PAK3: variants seen among roughly 807,000 people sequenced by gnomAD.
The protein encoded by PAK3 is serine/threonine-protein kinase PAK 3.
In PAK3, 4 loss-of-function variants were observed where a neutral mutation model predicts 41.0. That is an observed-to-expected ratio of 0.10 (90% CI 0.05 to 0.22). The LOEUF (loss-of-function observed/expected upper bound fraction) is 0.22, where lower values mean the gene tolerates loss of function less well. Among genes scored for constraint, PAK3 ranks in the 10% least tolerant of loss-of-function variants. The pLI, the probability that PAK3 is intolerant of heterozygous loss-of-function variation, is 1.00. For missense variants in PAK3, 205 were observed against 409.9 expected, an observed-to-expected ratio of 0.50 and a Z score of 4.32; for synonymous variants, 146 against 139.6, an observed-to-expected ratio of 1.05 and a Z score of -0.32.
chrX:111,163,417 T>C, intron 9 of PAK3, 145 bp from the exon 10 acceptor site: 1 of 513,881 alleles, frequency 1.9e-6, no homozygotes, highest in Middle Eastern at 5.8e-4. Context: ...CTTTCAACAG[T>C]GTTGTACTTT....
intron 1 of PAK3, among the ~76,000 whole-genome samples, chrX:111,057,722 A>G (rs1273049040): frequency 9.0e-6 from 1 of 110,720 alleles, no homozygotes; most frequent in Non-Finnish European, 1.9e-5. Context: ...TTAAAATAGA[A>G]CAATTCAGTG....
At chrX:110,983,743 A>G (rs2091489869) in intron 1 of PAK3, among the ~76,000 whole-genome samples, 1 of 111,597 alleles carries the variant, frequency 9.0e-6, no homozygotes, top group Admixed American at 9.4e-5. Flanking sequence ...ACAGAGACTG[A>G]TGATCTGCCA....
rs1173128234 is a variant in PAK3 at position 111,223,850 on chromosome X, AC to A, written c.*3404del. On this transcript the variant is annotated 3_prime_UTR_variant, in exon 18 of 18. Coordinates refer to ENST00000372007, the MANE Select transcript of PAK3 (RefSeq NM_002578.5). Reference sequence around the variant, plus strand: ...TTAAATAACATAAACAGGGATTACAACTATGTAAAAAGAAATGCATATGGAC... The same window carrying A: ...TTAAATAACATAAACAGGGATTACAATATGTAAAAAGAAATGCATATGGAC... 8.9e-6 allele frequency: 1 copy of A among 112,306 alleles called. No homozygotes were observed. Among genetic ancestry groups the A allele is most frequent in the Admixed American group, 9.5e-5 (1 of 10,558 alleles). 9.3% of individuals were successfully genotyped at this position (112,306 alleles called of 1,213,427 possible).
intron 11 of PAK3, among the ~76,000 whole-genome samples, chrX:111,174,299 T>C (rs1373467193): frequency 9.0e-6 from 1 of 110,927 alleles, no homozygotes; most frequent in African/African-American, 3.3e-5. Context: ...TCATTAGACG[T>C]TTGGGCTAGA....
chrX:111,028,033 A>G lies in PAK3; in HGVS notation c.-28+83405A>G, dbSNP rs867827628. Among the ~76,000 whole-genome samples the G allele has an allele frequency of 4.1e-4, 43 of 105,234 alleles. No individual in the cohort carries two copies. In the Admixed American group the frequency reaches 4.4e-3, roughly 11 times the overall value. The allele number at this position is 105,234 out of a possible 115,157, so 91.4% of individuals were successfully genotyped here. A position where few individuals can be genotyped will look rare whatever the true frequency, so the allele number is the denominator to read the frequency against. On this transcript the variant is annotated intron_variant, in intron 1 of 14. Transcript: ENST00000425146. ...TATATATATACATATATATGTGTGT[A>G]TATATATATACACACACCATGGAAT...
At chrX:111,208,162 TGTTTATA>T (rs1401035717) in intron 16 of PAK3, among the ~76,000 whole-genome samples, 9 of 112,505 alleles carry the variant, frequency 8.0e-5, no homozygotes, top group Non-Finnish European at 1.5e-4. Context: ...AGATAGAAAA[TGTTTATA>T]GTTTATAGGA....
chrX:111,175,512 G>A (rs183918028), intron 11 of PAK3, among the ~76,000 whole-genome samples: 1 of 111,076 alleles, frequency 9.0e-6, no homozygotes, highest in African/African-American at 3.3e-5. Flanking sequence ...TTTCTAATAG[G>A]CAGTAATGCT....
At chrX:111,056,319 G>T (rs1452285809) in intron 1 of PAK3, among the ~76,000 whole-genome samples, 1 of 111,874 alleles carries the variant, frequency 8.9e-6, no homozygotes, top group Admixed American at 9.5e-5. Context: ...AGGAGACTCT[G>T]GGTAAAAAAG....
At chrX:111,002,664 C>G (rs1013739390) in intron 1 of PAK3, among the ~76,000 whole-genome samples, 2 of 111,390 alleles carry the variant, frequency 1.8e-5, no homozygotes, top group African/African-American at 6.5e-5. Context: ...AGCCGTCACC[C>G]ACTTCACCCC....
intron 1 of PAK3, among the ~76,000 whole-genome samples, chrX:110,981,541 T>A (rs866534069): frequency 3.0e-5 from 1 of 33,303 alleles, no homozygotes; most frequent in African/African-American, 6.4e-5. Flanking sequence ...TGAGAAAAAA[T>A]AGTGTGTGTG....
chrX:111,219,975 G>T lies in PAK3; in HGVS notation c.1546-383G>T, dbSNP rs749411164. On this transcript the variant is annotated intron_variant, in intron 17 of 17. Coordinates refer to ENST00000372007, the MANE Select transcript of PAK3 (RefSeq NM_002578.5). ...AAAGAGAAATGGTAGAGGCACAGCC[G>T]TTGGGTTTAGCAGTTAGTAAGCCAT... 7.3e-4 allele frequency among the ~76,000 whole-genome samples: 82 copies of T among 112,065 alleles called. 1 individual carries two copies. In the Middle Eastern group the frequency reaches 0.018, roughly 25 times the overall value.
chrX:111,125,325 G>A (rs1289613445), intron 5 of PAK3, among the ~76,000 whole-genome samples: 1 of 111,240 alleles, frequency 9.0e-6, no homozygotes, highest in Non-Finnish European at 1.9e-5. Context: ...GGATGAGGAT[G>A]AAAATTTGGC....
intron 5 of PAK3, among the ~76,000 whole-genome samples, chrX:111,139,357 TA>T (rs903235528): frequency 2.7e-5 from 3 of 111,256 alleles, no homozygotes; most frequent in Admixed American, 9.5e-5. Flanking sequence ...ATATATAGCT[TA>T]AAAAAAAGAC....
At chrX:111,179,920 G>A (rs1021302966) in intron 11 of PAK3, among the ~76,000 whole-genome samples, 2 of 110,741 alleles carry the variant, frequency 1.8e-5, no homozygotes, top group South Asian at 3.8e-4. Flanking sequence ...CACCATGCCC[G>A]GCTAATTTTG....
At chrX:111,193,559 A>G (rs1406217757) in intron 13 of PAK3, among the ~76,000 whole-genome samples, 1 of 109,454 alleles carries the variant, frequency 9.1e-6, no homozygotes, top group East Asian at 2.9e-4. Context: ...CATGTTGGCC[A>G]GGCTGGTCTC....
chrX:110,949,298 T>A (rs533336777), intron 1 of PAK3, among the ~76,000 whole-genome samples: 1 of 111,084 alleles, frequency 9.0e-6, no homozygotes, highest in Non-Finnish European at 1.9e-5. Context: ...TCCTCTTGAG[T>A]GTATAGTTGT....
intron 13 of PAK3, among the ~76,000 whole-genome samples, chrX:111,193,426 TG>T (rs1488211463): frequency 1.9e-5 from 2 of 103,650 alleles, no homozygotes; most frequent in Admixed American, 2.1e-4. Context: ...CTCAGCTCAC[TG>T]CAACCTCTGC....
chrX:110,964,006 T>C (rs1435093182), intron 1 of PAK3, among the ~76,000 whole-genome samples: 1 of 111,996 alleles, frequency 8.9e-6, no homozygotes, highest in Non-Finnish European at 1.9e-5. Flanking sequence ...GGTAGTGTTA[T>C]TTACTGGGAA....
chrX:111,140,563 A>T (rs1284634726), intron 5 of PAK3, among the ~76,000 whole-genome samples: 3 of 111,855 alleles, frequency 2.7e-5, no homozygotes, highest in Non-Finnish European at 5.7e-5. Flanking sequence ...AAAACTCTAA[A>T]CTTCACTGTT....
Sources: gnomAD v4.1 joint callset for allele counts (sites outside exome capture counted in the v4.1 genomes callset) on GRCh38, gnomAD v4.1.1 for gene constraint, MANE v1.5 for transcripts, NCBI Gene and HGNC (gene_info 2026-07-23, HGNC 2026-07-21) for gene names.